Variants in CCDC66 observed in about 807,000 individuals in gnomAD.
The protein encoded by CCDC66 is coiled-coil domain-containing protein 66.
Under a neutral mutation model 128.3 loss-of-function variants are expected in CCDC66, and 133 were observed. The observed-to-expected ratio is 1.04, with a 90% CI of 0.90 to 1.20. The LOEUF (loss-of-function observed/expected upper bound fraction) is 1.20. Among genes scored for constraint, CCDC66 ranks in the 50% most tolerant of loss-of-function variants. CCDC66 has a pLI of 0.00. For missense variants in CCDC66, 1,126 were observed against 1,075.5 expected, an observed-to-expected ratio of 1.05 and a Z score of -0.66; for synonymous variants, 387 against 357.0, an observed-to-expected ratio of 1.08 and a Z score of -0.95.
chr3:56,597,776 G>GT lies in CCDC66; in HGVS notation c.1404+3748_1404+3749insT, dbSNP rs753875788. Among the ~76,000 whole-genome samples the GT allele has an allele frequency of 3.6e-4, 22 of 61,858 alleles. 3 individuals carry two copies. The highest frequency in any genetic ancestry group is 2.1e-4 in the Non-Finnish European group (8 of 38,244). 40.6% of individuals were successfully genotyped at this position (61,858 alleles called of 152,430 possible). Reference sequence around the variant, plus strand: ...TTGTGGAGTCTAGGTTTTGTTTTGGGGTTTTTTTTTTTTTTTGAGACAGAG... The same window carrying GT: ...TTGTGGAGTCTAGGTTTTGTTTTGGGTGTTTTTTTTTTTTTTTGAGACAGAG... On this transcript the variant is annotated intron_variant, in intron 10 of 17. Coordinates refer to ENST00000394672, the MANE Select transcript of CCDC66 (RefSeq NM_001141947.3).
At position 56,563,703 on chromosome 3, in the gene CCDC66, T is replaced by C. The variant is rs1376559381; in HGVS notation, c.122T>C (p.Ile41Thr). The C allele has an allele frequency of 6.5e-7, 1 of 1,549,634 alleles. No homozygotes were observed. Among genetic ancestry groups the C allele is most frequent in the Non-Finnish European group, 8.7e-7 (1 of 1,146,094 alleles). Residue 41 changes from isoleucine to threonine, a missense_variant, in exon 4 of 18, where the codon ATT (isoleucine) becomes ACT (threonine). Transcript: ENST00000394672. The stretch of plus-strand genomic sequence containing the variant: ...TAACAGATGGGAAATAAGGCCAAGA[T>C]TGCAAAATGTCCTTTAAGAACAAAA... ...ISVKMGNKAK[I>T]AKCPLRTKTG...
At chr3:56,602,760 G>C (rs556578244) in intron 10 of CCDC66, among the ~76,000 whole-genome samples, 1 of 151,304 alleles carries the variant, frequency 6.6e-6, no homozygotes, top group South Asian at 2.1e-4. Flanking sequence ...TAGTTTATTT[G>C]TGTAGAGGTG....
In CCDC66 at chr3:56,619,343, A is replaced by T. The variant is rs1353912508; in HGVS notation, c.2451A>T (p.Leu817=). The T allele has an allele frequency of 6.2e-7, 1 of 1,613,642 alleles. No homozygotes were observed. Among genetic ancestry groups the T allele is most frequent in the African/African-American group, 1.3e-5 (1 of 74,898 alleles). The part of the protein sequence containing the change: ...QQTQNTLHLP[L]KNSSYERENL... ...CTCAAAATACATTACATTTACCACT[A>T]AAAAACAGTAGCTATGAGAGAGAGA... is the stretch of plus-strand genomic sequence containing the variant. The change falls in exon 16 of 18, where the codon CTA becomes CTT. Residue 817 remains leucine, a synonymous_variant. Coordinates refer to ENST00000394672, the MANE Select transcript of CCDC66 (RefSeq NM_001141947.3).
intron 7 of CCDC66, among the ~76,000 whole-genome samples, chr3:56,585,314 C>G (rs191373307): frequency 1.3e-5 from 2 of 151,734 alleles, no homozygotes; most frequent in African/African-American, 4.8e-5. Context: ...AGAAAAAAGA[C>G]TTGGTATAAC....
chr3:56,619,764 C>G lies in CCDC66; in HGVS notation c.2636-13C>G, dbSNP rs757121910. The G allele has an allele frequency of 6.2e-7, 1 of 1,612,662 alleles. No individual in the cohort carries two copies. Among genetic ancestry groups the G allele is most frequent in the Non-Finnish European group, 8.5e-7 (1 of 1,179,380 alleles). On this transcript the variant is annotated splice_polypyrimidine_tract_variant and intron_variant, in intron 16 of 17. Coordinates refer to ENST00000394672, the MANE Select transcript of CCDC66 (RefSeq NM_001141947.3). ...ATGTAATTGACTGACTTGTTACTTT[C>G]ATCTGGCTTTAGACTGTGGCCAAAA...
chr3:56,571,768 G>C lies in CCDC66; in HGVS notation c.936+466G>C, dbSNP rs909282311. Among the ~76,000 whole-genome samples, 9 of 152,182 alleles carry C rather than the reference G, an allele frequency of 5.9e-5. 1 individual carries two copies. The highest frequency in any genetic ancestry group is 1.3e-4 in the Admixed American group (2 of 15,280). ...GGGTCTTGCTCTGTTGCTCAGGCAG[G>C]TATGCAGTGGTGAAAACATAATTCC... On this transcript the variant is annotated intron_variant, in intron 7 of 17. Transcript: ENST00000394672.
rs1233272646 is a variant in CCDC66, at chr3:56,563,965, T to C, written c.384T>C (p.Ser128=). 1.2e-6 allele frequency: 2 copies of C among 1,613,824 alleles called. No homozygotes were observed. The highest frequency in any genetic ancestry group is 2.7e-5 in the African/African-American group (2 of 74,914). ...AGACTAGAAACACCGTAAATACATC[T>C]CTAGTAGGTAAACAGAAGCCTCACA... ...MQKTRNTVNT[S]LVGKQKPHKK... Residue 128 remains serine, a synonymous_variant, in exon 4 of 18, where the codon TCT becomes TCC. Coordinates refer to ENST00000394672, the MANE Select transcript of CCDC66 (RefSeq NM_001141947.3).
chr3:56,591,129 T>G (rs2070817768), intron 7 of CCDC66, among the ~76,000 whole-genome samples: 1 of 152,208 alleles, frequency 6.6e-6, no homozygotes, highest in African/African-American at 2.4e-5. Flanking sequence ...AAGAATAATG[T>G]AAAGCCTTTC....
rs562623858 is a variant in CCDC66, at chr3:56,581,243, G to A, written c.936+9941G>A. On this transcript the variant is annotated intron_variant, in intron 7 of 17. Coordinates refer to ENST00000394672, the MANE Select transcript of CCDC66 (RefSeq NM_001141947.3). ...TTTGTCATGTAGTTCTCGTGCCATG[G>A]TTTTCAGCTCCATCAGGTCATTTAA... Among the ~76,000 whole-genome samples, 9 of 151,878 alleles carry A rather than the reference G, an allele frequency of 5.9e-5. No individual in the cohort carries two copies. The South Asian group carries it at 1.9e-3, about 32-fold the overall frequency.
chr3:56,561,635 T>C (rs1333472829), intron 3 of CCDC66, among the ~76,000 whole-genome samples: 3 of 152,224 alleles, frequency 2.0e-5, no homozygotes, highest in African/African-American at 7.2e-5. Flanking sequence ...GAAGTTTCTC[T>C]TCCCATATTG....
chr3:56,620,353 A>C (rs527583649), intron 17 of CCDC66: 7 of 153,096 alleles, frequency 4.6e-5, no homozygotes, highest in African/African-American at 1.7e-4. Context: ...AACCTTACTC[A>C]CCATACTACT....
chr3:56,566,047 T>C (rs1409984249), intron 4 of CCDC66, among the ~76,000 whole-genome samples: 1 of 152,234 alleles, frequency 6.6e-6, no homozygotes, highest in African/African-American at 2.4e-5. Context: ...CCTTATTTGA[T>C]ATAAGAAATT....
At chr3:56,621,410 T>TTGAA in intron 17 of CCDC66, 122 bp from the exon 18 acceptor site, 1 of 628,320 alleles carries the variant, frequency 1.6e-6, no homozygotes, top group Non-Finnish European at 2.7e-6. Context: ...GAAAAAATTT[T>TTGAA]TGAATGACAA....
At chr3:56,565,269 T>TTTTA (rs1387829667) in intron 4 of CCDC66, 2 of 202,866 alleles carry the variant, frequency 9.9e-6, no homozygotes, top group African/African-American at 2.4e-5. Flanking sequence ...ATAATTTTTA[T>TTTTA]TTTATTTATT....
At chr3:56,592,859 A>G in intron 7 of CCDC66, 111 bp from the exon 8 acceptor site, 1 of 1,069,868 alleles carries the variant, frequency 9.3e-7, no homozygotes, top group African/African-American at 1.6e-5. Context: ...CCTCTTACAG[A>G]TAAATGCCTC....
intron 1 of CCDC66, 81 bp from the exon 2 acceptor site, chr3:56,558,765 C>T (rs890639754): frequency 8.7e-6 from 8 of 916,564 alleles, no homozygotes; most frequent in African/African-American, 1.6e-5. Flanking sequence ...GATTTATTGT[C>T]AGGTTCAAAT....
At chr3:56,603,029 G>T (rs1311785055) in intron 10 of CCDC66, among the ~76,000 whole-genome samples, 2 of 151,638 alleles carry the variant, frequency 1.3e-5, no homozygotes, top group Non-Finnish European at 2.9e-5. Flanking sequence ...TAGAGACGGG[G>T]TTTCACCGTG....
At chr3:56,601,947 T>G (rs1451520334) in intron 10 of CCDC66, among the ~76,000 whole-genome samples, 2 of 152,094 alleles carry the variant, frequency 1.3e-5, no homozygotes, top group African/African-American at 4.8e-5. Context: ...TTTTCCTATT[T>G]GAATACCCTT....
Position 56,583,470 on chromosome 3 carries a change from G to C in CCDC66, c.937-9500G>C, listed in dbSNP as rs1310496526. ...GGCCTTCCGCAGTGTTTGTGTCCCT[G>C]GGTACTTGAGATTAGGGAGTGGTGA... On this transcript the variant is annotated intron_variant, in intron 7 of 17. Transcript: ENST00000394672. Among the ~76,000 whole-genome samples the C allele has an allele frequency of 1.3e-5, 2 of 151,876 alleles. 1 individual carries two copies. The highest frequency in any genetic ancestry group is 4.0e-4 in the East Asian group (2 of 5,048).
Sources: allele counts gnomAD v4.1 joint callset (sites outside exome capture counted in the v4.1 genomes callset), GRCh38; gene constraint gnomAD v4.1.1; transcripts MANE v1.5; gene names NCBI Gene and HGNC (gene_info 2026-07-23, HGNC 2026-07-21).